The following CDH19 variants were observed in gnomAD, a reference collection of about 807,000 sequenced individuals.
CDH19 encodes cadherin 19, also known as cadherin-19.
Under a neutral mutation model 64.2 loss-of-function variants are expected in CDH19, and 67 were observed. That is an observed-to-expected ratio of 1.04 (90% CI 0.86 to 1.28). The LOEUF (loss-of-function observed/expected upper bound fraction) is 1.28, where lower values mean the gene tolerates loss of function less well. CDH19 is among the 50% of genes most tolerant of loss of function. The pLI, the probability that CDH19 is intolerant of heterozygous loss-of-function variation, is 0.00. For synonymous variants in CDH19, 346 were observed against 319.3 expected (o/e 1.08, Z -0.89); for missense variants, 1,030 against 929.0 (o/e 1.11, Z -1.41).
chr18:66,590,488 G>A (rs1988711151), intron 1 of CDH19, among the ~76,000 whole-genome samples: 3 of 150,628 alleles, frequency 2.0e-5, no homozygotes, highest in Middle Eastern at 3.4e-3. Flanking sequence ...TTTAACCAAT[G>A]TCTTTGCAGA....
chr18:66,581,649 C>T (rs926490467), intron 1 of CDH19, among the ~76,000 whole-genome samples: 3 of 151,986 alleles, frequency 2.0e-5, no homozygotes, highest in Admixed American at 6.6e-5. Flanking sequence ...TTAGGTTCTT[C>T]GGCCTTTGGA....
In CDH19 at chr18:66,509,070, G is replaced by A. The variant is rs2144338426; in HGVS notation, c.1753C>T (p.Gln585Ter). The A allele has an allele frequency of 6.2e-7, 1 of 1,612,748 alleles. No homozygotes were observed. Among genetic ancestry groups the A allele is most frequent in the Non-Finnish European group, 8.5e-7 (1 of 1,179,206 alleles). ...DSGSTQTCQY[Q>*]ELVLSMGFKT... ...AATCCCATGGAAAGCACAAGCTCCTGGTACTGGCAGGTCTGTGTGCTCCCA... is the reference window on the plus strand; with the variant it reads ...AATCCCATGGAAAGCACAAGCTCCTAGTACTGGCAGGTCTGTGTGCTCCCA... Residue 585 changes from glutamine (Q) to a stop codon, truncating the protein, a stop_gained, in exon 11 of 12, where the codon CAG (glutamine) becomes TAG (stop). Transcript: ENST00000262150. LOFTEE classifies it high-confidence loss of function.
At chr18:66,591,323 C>T (rs1176972308) in intron 1 of CDH19, among the ~76,000 whole-genome samples, 1 of 151,868 alleles carries the variant, frequency 6.6e-6, no homozygotes, top group Non-Finnish European at 1.5e-5. Flanking sequence ...TCCTGGAGTG[C>T]ATAAGATAAT....
intron 1 of CDH19, among the ~76,000 whole-genome samples, chr18:66,574,065 C>A (rs964574105): frequency 1.3e-5 from 2 of 151,676 alleles, no homozygotes; most frequent in Non-Finnish European, 3.0e-5. Context: ...AATATGTCCA[C>A]ACAATGCAGT....
intron 1 of CDH19, among the ~76,000 whole-genome samples, chr18:66,585,237 T>C (rs1199955452): frequency 6.6e-6 from 1 of 152,114 alleles, no homozygotes; most frequent in African/African-American, 2.4e-5. Flanking sequence ...CCTGGATATA[T>C]ATAATATAAA....
At chr18:66,591,108 A>G (rs1439377178) in intron 1 of CDH19, among the ~76,000 whole-genome samples, 2 of 151,992 alleles carry the variant, frequency 1.3e-5, no homozygotes, top group African/African-American at 4.8e-5. Context: ...AGATTCTTAA[A>G]CAATCTCAGA....
At chr18:66,535,418 C>T (rs1290020905) in intron 7 of CDH19, among the ~76,000 whole-genome samples, 6 of 151,256 alleles carry the variant, frequency 4.0e-5, no homozygotes, top group Non-Finnish European at 7.4e-5. Context: ...TGATCTCTTT[C>T]CTATGTCACA....
rs541819329 is a variant in CDH19 at position 66,515,103 on chromosome 18, AAAC to A, written c.1459-3421_1459-3419del. ...ATCAATTCCTTGAAGTGCACTTAATAAACAATAAAAAAATGCTTCTCAATAGAA... is the reference window on the plus strand; with the variant it reads ...ATCAATTCCTTGAAGTGCACTTAATAAATAAAAAAATGCTTCTCAATAGAA... On this transcript the variant is annotated intron_variant, in intron 9 of 11. Transcript: ENST00000262150. Among the ~76,000 whole-genome samples, 12 of 151,536 alleles carry A rather than the reference AAAC, an allele frequency of 7.9e-5. No individual in the cohort carries two copies. In the South Asian group the frequency reaches 2.5e-3, roughly 31 times the overall value.
chr18:66,590,839 T>C (rs1988722755), intron 1 of CDH19, among the ~76,000 whole-genome samples: 1 of 152,008 alleles, frequency 6.6e-6, no homozygotes. Context: ...AAACACTTCC[T>C]TGCAGACTTC....
Position 66,570,846 on chromosome 18 carries a change from C to A in CDH19, c.195+1164G>T, listed in dbSNP as rs190020236. ...AGAGGTGGCCTGTGTTCCAATTACA[C>A]TGATGCACTTCCCTATAACACCTTA... On this transcript the variant is annotated intron_variant, in intron 2 of 11. Transcript: ENST00000262150. 3.3e-5 allele frequency among the ~76,000 whole-genome samples: 5 copies of A among 151,694 alleles called. No individual in the cohort carries two copies. In the East Asian group the frequency reaches 9.7e-4, roughly 30 times the overall value.
At position 66,553,466 on chromosome 18, in the gene CDH19, C is replaced by T. The variant is rs1987411393; in HGVS notation, c.610+939G>A. On this transcript the variant is annotated intron_variant, in intron 4 of 11. Transcript: ENST00000262150. Reference sequence around the variant, plus strand: ...AATATTTTTTAGAATCTGACTCTCTCAAGAAACCCTAATTGAAAAAGGCTG... The same window carrying T: ...AATATTTTTTAGAATCTGACTCTCTTAAGAAACCCTAATTGAAAAAGGCTG... Among the ~76,000 whole-genome samples, 2 of 133,904 alleles carry T rather than the reference C, an allele frequency of 1.5e-5. 1 individual carries two copies. The highest frequency in any genetic ancestry group is 1.5e-4 in the Admixed American group (2 of 13,762). The allele number at this position is 133,904 out of a possible 152,430, so 87.8% of individuals were successfully genotyped here.
chr18:66,510,439 C>A (rs1272512246), intron 10 of CDH19, among the ~76,000 whole-genome samples: 1 of 148,320 alleles, frequency 6.7e-6, no homozygotes, highest in Admixed American at 6.8e-5. Flanking sequence ...TCTATATATA[C>A]AAATATCAAT....
intron 1 of CDH19, among the ~76,000 whole-genome samples, chr18:66,584,610 T>C (rs1988522485): frequency 6.6e-6 from 1 of 152,066 alleles, no homozygotes; most frequent in Non-Finnish European, 1.5e-5. Flanking sequence ...CGAATGCTCA[T>C]TGCAGCACTA....
At chr18:66,547,925 C>G (rs935045241) in intron 5 of CDH19, among the ~76,000 whole-genome samples, 11 of 143,156 alleles carry the variant, frequency 7.7e-5, no homozygotes, top group Non-Finnish European at 1.3e-4. Flanking sequence ...CCTCGGCCTC[C>G]CAAAGTGCTG....
Position 66,568,678 on chromosome 18 carries a change from A to G in CDH19, c.228T>C (p.Ser76=), listed in dbSNP as rs1185659464. 1.6e-5 allele frequency: 25 copies of G among 1,609,792 alleles called. No homozygotes were observed. Among genetic ancestry groups the G allele is most frequent in the Non-Finnish European group, 1.8e-5 (21 of 1,178,370 alleles). ...LRSDLDNGNN[S]FQYKLLGAGA... ...CAGCTCCCAAAAGCTTGTACTGGAA[A>G]GAATTGTTTCCATTGTCTAAATCAG... The change falls in exon 3 of 12, where the codon TCT becomes TCC. Residue 76 remains serine, a synonymous_variant. Transcript: ENST00000262150.
intron 9 of CDH19, among the ~76,000 whole-genome samples, chr18:66,514,553 C>T (rs895780482): frequency 6.6e-6 from 1 of 151,194 alleles, no homozygotes; most frequent in East Asian, 1.9e-4. Flanking sequence ...GCAAAGATAT[C>T]ATACATTAGG....
rs764552828 is a variant in CDH19 at position 66,544,734 on chromosome 18, T to C, written c.945A>G (p.Ile315Met). Residue 315 changes from isoleucine (I) to methionine (M), a missense_variant, in exon 6 of 12, where the codon ATA (isoleucine) becomes ATG (methionine). Transcript: ENST00000262150. ...IITNHETQEGIVILKKKVDFE... is the reference protein window; with the variant it reads ...IITNHETQEGMVILKKKVDFE... ...ACATGTCTACCTTTTTTAATATAACTATTCCTTCTTGAGTTTCATGATTAG... is the reference window on the plus strand; with the variant it reads ...ACATGTCTACCTTTTTTAATATAACCATTCCTTCTTGAGTTTCATGATTAG... 6.2e-7 allele frequency: 1 copy of C among 1,604,654 alleles called. No individual in the cohort carries two copies. The highest frequency in any genetic ancestry group is 1.1e-5 in the South Asian group (1 of 89,898).
In CDH19 at chr18:66,501,574, CA is replaced by C. The variant is rs1984941700; in HGVS notation, c.*3237del. 1 of 152,112 alleles carries C rather than the reference CA, an allele frequency of 6.6e-6. No homozygotes were observed. Among genetic ancestry groups the C allele is most frequent in the South Asian group, 2.1e-4 (1 of 4,826 alleles). The allele number at this position is 152,112 out of a possible 1,614,324, so 9.4% of individuals were successfully genotyped here. A position where few individuals can be genotyped will look rare whatever the true frequency, so the allele number is the denominator to read the frequency against. ...AGGTGAGGAAGTTGACTTTTATTTT[CA>C]ATGTGCCGTGAGGCTGTTGAGATCA... On this transcript the variant is annotated 3_prime_UTR_variant, in exon 12 of 12. Transcript: ENST00000262150.
chr18:66,526,589 C>G (rs1184197106), intron 9 of CDH19, among the ~76,000 whole-genome samples: 2 of 152,030 alleles, frequency 1.3e-5, no homozygotes, highest in Admixed American at 6.6e-5. Context: ...TATGTAGACA[C>G]TTTTATAAAT....
Sources: gnomAD v4.1 joint callset for allele counts (sites outside exome capture counted in the v4.1 genomes callset) on GRCh38, gnomAD v4.1.1 for gene constraint, MANE v1.5 for transcripts, NCBI Gene and HGNC (gene_info 2026-07-23, HGNC 2026-07-21) for gene names.